Variants in ASPA observed in about 807,000 individuals in gnomAD.
ASPA encodes aspartoacylase.
A neutral mutation model predicts 29.6 loss-of-function variants in ASPA; 25 were observed. The observed-to-expected ratio is 0.85, with a 90% CI of 0.62 to 1.18. The LOEUF is 1.18. ASPA is among the 50% of genes most tolerant of loss of function. ASPA has a pLI of 0.00. For missense variants in ASPA, 333 were observed against 385.7 expected (o/e 0.86, Z 1.14); for synonymous variants, 131 against 130.3 (o/e 1.01, Z -0.04).
intron 3 of ASPA, among the ~76,000 whole-genome samples, chr17:3,484,157 CATTCT>C (rs1158146419): frequency 1.4e-4 from 21 of 152,288 alleles, no homozygotes; most frequent in Admixed American, 1.4e-3. Context: ...CAATTCTTCT[CATTCT>C]CAAGATTCAG....
Position 3,499,043 on chromosome 17 carries a change from T to G in ASPA, c.897T>G (p.Thr299=). ...YEKKEAFAKT[T]KLTLNAKSIR... ...AGAAAGAAGCTTTTGCAAAGACAAC[T>G]AAACTAACGCTCAATGCAAAAAGTA... The change falls in exon 6 of 6, where the codon ACT becomes ACG. Residue 299 remains threonine, a synonymous_variant. Transcript: ENST00000263080. The G allele has an allele frequency of 1.2e-6, 2 of 1,614,202 alleles. No homozygotes were observed. Among genetic ancestry groups the G allele is most frequent in the Non-Finnish European group, 1.7e-6 (2 of 1,180,034 alleles).
intron 4 of ASPA, among the ~76,000 whole-genome samples, chr17:3,492,701 C>A (rs1200110693): frequency 1.3e-5 from 2 of 152,174 alleles, no homozygotes; most frequent in Admixed American, 6.5e-5. Flanking sequence ...ATAATGAAAG[C>A]CTTTGAGGTG....
intron 1 of ASPA, among the ~76,000 whole-genome samples, chr17:3,478,773 A>G (rs1272192094): frequency 1.3e-5 from 2 of 152,062 alleles, no homozygotes; most frequent in Non-Finnish European, 2.9e-5. Context: ...GCCTCTCCCA[A>G]ATTTATTCAT....
intron 2 of ASPA, among the ~76,000 whole-genome samples, chr17:3,482,333 C>T (rs754213933): frequency 5.3e-5 from 8 of 152,144 alleles, no homozygotes; most frequent in African/African-American, 9.7e-5. Flanking sequence ...CCCCAGAATA[C>T]GTCTAATCTT....
upstream of ASPA, among the ~76,000 whole-genome samples, chr17:3,475,004 A>T (rs1315097893): frequency 2.0e-5 from 3 of 152,228 alleles, no homozygotes; most frequent in Non-Finnish European, 4.4e-5. Context: ...CCTATCGTAT[A>T]AAATTAATGT....
intron 5 of ASPA, among the ~76,000 whole-genome samples, chr17:3,495,464 G>C (rs2073893171): frequency 6.6e-6 from 1 of 152,258 alleles, no homozygotes; most frequent in African/African-American, 2.4e-5. Context: ...GGCCTGCCCA[G>C]TAATACAGAC....
chr17:3,483,587 C>T lies in ASPA; in HGVS notation c.521C>T (p.Pro174Leu). ...ACCACTCGTTCCATAGCCAAGTATC[C>T]TGTGGGTAAGTCATAGTTCCCACTG... The part of the protein sequence containing the change: ...YATTRSIAKY[P>L]VGIEVGPQPQ... The change falls in exon 3 of 6, where the codon CCT becomes CTT. Residue 174 changes from proline (P) to leucine (L), a missense_variant. Coordinates refer to ENST00000263080, the MANE Select transcript of ASPA (RefSeq NM_000049.4). 6.2e-7 allele frequency: 1 copy of T among 1,611,904 alleles called. No individual in the cohort carries two copies. The highest frequency in any genetic ancestry group is 8.5e-7 in the Non-Finnish European group (1 of 1,177,964).
chr17:3,476,783 C>G (rs1319802778), intron 1 of ASPA, among the ~76,000 whole-genome samples: 1 of 152,176 alleles, frequency 6.6e-6, no homozygotes, highest in African/African-American at 2.4e-5. Flanking sequence ...TTAGGAAATT[C>G]ACTACGTTTT....
intron 5 of ASPA, among the ~76,000 whole-genome samples, chr17:3,496,402 G>A (rs1021563123): frequency 3.3e-5 from 5 of 152,168 alleles, no homozygotes; most frequent in Admixed American, 6.5e-5. Flanking sequence ...CCAATTAGAC[G>A]GAGTGGTCAC....
intron 5 of ASPA, among the ~76,000 whole-genome samples, chr17:3,497,946 G>A (rs1381403456): frequency 6.6e-6 from 1 of 152,096 alleles, no homozygotes; most frequent in Non-Finnish European, 1.5e-5. Context: ...GGTTCCCGTG[G>A]TGTGACAGCC....
At chr17:3,491,475 G>A (rs76398592) in intron 4 of ASPA, among the ~76,000 whole-genome samples, 8,457 of 152,212 alleles carry the variant, frequency 0.056, 237 homozygotes, top group Non-Finnish European at 0.072. Flanking sequence ...GGCCAGGCGC[G>A]GTGGCTCATG....
At position 3,498,188 on chromosome 17, in the gene ASPA, G is replaced by T. The variant is rs534716163; in HGVS notation, c.745-703G>T. 9.4e-4 allele frequency among the ~76,000 whole-genome samples: 143 copies of T among 152,216 alleles called. 1 individual carries two copies. Among genetic ancestry groups the T allele is most frequent in the African/African-American group, 3.4e-3 (140 of 41,542 alleles). On this transcript the variant is annotated intron_variant, in intron 5 of 5. Coordinates refer to ENST00000263080, the MANE Select transcript of ASPA (RefSeq NM_000049.4). ...ACGGTAGAATGTCTTGCACACAGAA[G>T]ACTCCTAATGGATATTTCCTAAATT...
chr17:3,499,053 C>T lies in ASPA; in HGVS notation c.907C>T (p.Leu303Phe), dbSNP rs1273624188. 1 of 1,614,132 alleles carries T rather than the reference C, an allele frequency of 6.2e-7. No individual in the cohort carries two copies. Among genetic ancestry groups the T allele is most frequent in the East Asian group, 2.2e-5 (1 of 44,884 alleles). ...TTTTGCAAAGACAACTAAACTAACG[C>T]TCAATGCAAAAAGTATTCGCTGCTG... is the stretch of plus-strand genomic sequence containing the variant. ...EAFAKTTKLTLNAKSIRCCLH is the reference protein window; with the variant it reads ...EAFAKTTKLTFNAKSIRCCLH The change falls in exon 6 of 6, where the codon CTC becomes TTC. Residue 303 changes from leucine (L) to phenylalanine (F), a missense_variant. By Grantham distance (22) the Leu-to-Phe change is conservative. Transcript: ENST00000263080.
At position 3,499,189 on chromosome 17, in the gene ASPA, C is replaced by T; in HGVS notation, c.*101C>T. ...GTGCCTTATTCAACTGCATACATAG[C>T]TCCTAGCACAGTGCCTTATTCGGTA... is the stretch of plus-strand genomic sequence containing the variant. On this transcript the variant is annotated 3_prime_UTR_variant, in exon 6 of 6. Coordinates refer to ENST00000263080, the MANE Select transcript of ASPA (RefSeq NM_000049.4). 2 of 1,271,710 alleles carry T rather than the reference C, an allele frequency of 1.6e-6. No individual in the cohort carries two copies. The highest frequency in any genetic ancestry group is 1.5e-5 in the African/African-American group (1 of 66,944). 78.8% of individuals were successfully genotyped at this position (1,271,710 alleles called of 1,614,324 possible).
At chr17:3,476,555 T>A (rs1043779395) in intron 1 of ASPA, among the ~76,000 whole-genome samples, 160 bp downstream of exon 1, 1 of 152,256 alleles carries the variant, frequency 6.6e-6, no homozygotes, top group African/African-American at 2.4e-5. Flanking sequence ...TACTGCATTG[T>A]GAATTGCACA....
In ASPA at chr17:3,476,355, G is replaced by A; in HGVS notation, c.196G>A (p.Asp66Asn). The A allele has an allele frequency of 6.2e-7, 1 of 1,614,118 alleles. No homozygotes were observed. The highest frequency in any genetic ancestry group is 8.5e-7 in the Non-Finnish European group (1 of 1,180,026). The change falls in exon 1 of 6, where the codon GAC becomes AAC. Residue 66 changes from aspartate (D) to asparagine (N), a missense_variant. Coordinates refer to ENST00000263080, the MANE Select transcript of ASPA (RefSeq NM_000049.4). Reference protein sequence around the residue: ...RAVKKCTRYIDCDLNRIFDLE... With the variant: ...RAVKKCTRYINCDLNRIFDLE... ...AGTGAAGAAGTGTACCAGATATATT[G>A]ACTGTGACCTGAATCGCATTTTTGA...
intron 4 of ASPA, among the ~76,000 whole-genome samples, chr17:3,493,323 G>A (rs941042842): frequency 6.6e-6 from 1 of 152,156 alleles, no homozygotes; most frequent in Admixed American, 6.5e-5. Context: ...AGCACTTGGG[G>A]AGGCTGAGGC....
chr17:3,488,163 C>T lies in ASPA; in HGVS notation c.527-1072C>T, dbSNP rs940500138. ...TAGTGCAGTTGGGGTAAATGGTTTG[C>T]CAAATAGAGAAGGTGATGACTGGGG... On this transcript the variant is annotated intron_variant, in intron 3 of 5. Coordinates refer to ENST00000263080, the MANE Select transcript of ASPA (RefSeq NM_000049.4). The surrounding 1 kb of genome is among the most constrained non-coding windows in gnomAD (Gnocchi z 6.1). 6.6e-6 allele frequency among the ~76,000 whole-genome samples: 1 copy of T among 151,860 alleles called. No individual in the cohort carries two copies. Among genetic ancestry groups the T allele is most frequent in the Non-Finnish European group, 1.5e-5 (1 of 67,936 alleles).
chr17:3,486,002 G>A (rs896064767), intron 3 of ASPA, among the ~76,000 whole-genome samples: 4 of 149,572 alleles, frequency 2.7e-5, no homozygotes, highest in East Asian at 2.0e-4. Flanking sequence ...GCACAATCTC[G>A]GCTCACTGCA....
Sources: allele counts gnomAD v4.1 joint callset (sites outside exome capture counted in the v4.1 genomes callset), GRCh38; gene constraint gnomAD v4.1.1; non-coding constraint Gnocchi (gnomAD v3.1); transcripts MANE v1.5; gene names NCBI Gene and HGNC (gene_info 2026-07-23, HGNC 2026-07-21).